The following FBXW10 variants were observed in gnomAD, a reference collection of about 807,000 sequenced individuals.
FBXW10 encodes F-box/WD repeat-containing protein 10.
A neutral mutation model predicts 113.1 loss-of-function variants in FBXW10; 68 were observed. The observed-to-expected ratio is 0.60, with a 90% CI of 0.49 to 0.74. The LOEUF is 0.74. Among genes scored for constraint, FBXW10 ranks in the 30% least tolerant of loss-of-function variants. The pLI, the probability that FBXW10 is intolerant of heterozygous loss-of-function variation, is 0.00. For synonymous variants in FBXW10, 289 were observed against 481.6 expected, an observed-to-expected ratio of 0.60 and a Z score of 5.24; for missense variants, 753 against 1,284.5, an observed-to-expected ratio of 0.59 and a Z score of 6.32.
intron 7 of FBXW10, among the ~76,000 whole-genome samples, chr17:18,763,041 G>C (rs879767316): frequency 6.7e-6 from 1 of 149,336 alleles, no homozygotes; most frequent in Non-Finnish European, 1.5e-5. Context: ...CATTGGTAAG[G>C]CTGCAAAACC....
Position 18,772,434 on chromosome 17 carries a change from A to C in FBXW10, c.2029A>C (p.Asn677His). ...CAGGATGGTGGTCAACACAGAGAGC[A>C]ATGTTCTCATGTTCCAGTTTGAGCA... ...GNRMVVNTES[N>H]VLMFQFEHIK... The change falls in exon 12 of 14, where the codon AAT becomes CAT. Residue 677 changes from asparagine to histidine, a missense_variant. Transcript: ENST00000395665. 2.5e-6 allele frequency: 4 copies of C among 1,614,064 alleles called. No individual in the cohort carries two copies. The highest frequency in any genetic ancestry group is 1.3e-5 in the African/African-American group (1 of 75,006).
rs977861565 is a variant in FBXW10 at position 18,772,776 on chromosome 17, T to C, written c.2278+93T>C. 9 of 1,153,972 alleles carry C rather than the reference T, an allele frequency of 7.8e-6. No individual in the cohort carries two copies. The Admixed American group carries it at 1.6e-4, about 20-fold the overall frequency. 71.5% of individuals were successfully genotyped at this position (1,153,972 alleles called of 1,614,324 possible). A position where few individuals can be genotyped will look rare whatever the true frequency, so the allele number is the denominator to read the frequency against. On this transcript the variant is annotated intron_variant, in intron 12 of 13. Coordinates refer to ENST00000395665, the MANE Select transcript of FBXW10 (RefSeq NM_001267585.2). ...GTGGGAGACGGGGAGGACTGGTTCG[T>C]TTGTGGAATATTTTGGCCAGTGGTT...
At chr17:18,761,990 T>C (rs898714878) in intron 7 of FBXW10, among the ~76,000 whole-genome samples, 4 of 151,426 alleles carry the variant, frequency 2.6e-5, no homozygotes, top group African/African-American at 9.7e-5. Flanking sequence ...TGAGACGGAG[T>C]CTTGCTCTGT....
intron 13 of FBXW10, among the ~76,000 whole-genome samples, chr17:18,777,117 A>T (rs1156231990): frequency 6.8e-6 from 1 of 146,708 alleles, no homozygotes; most frequent in East Asian, 2.0e-4. Context: ...GCTGGAGTGC[A>T]GTGGCGTGAT....
chr17:18,745,249 A>G (rs923929928), intron 1 of FBXW10: 1 of 969,826 alleles, frequency 1.0e-6, no homozygotes, highest in African/African-American at 1.8e-5. Context: ...TGAAACCTTA[A>G]AGTAGAGTTT....
intron 7 of FBXW10, among the ~76,000 whole-genome samples, chr17:18,764,200 C>CTT (rs140032131): frequency 0.019 from 2,235 of 116,374 alleles, 86 homozygotes; most frequent in African/African-American, 0.056. Context: ...TGTAAATACT[C>CTT]TTTTTTTTTT....
chr17:18,778,166 C>T (rs149076818), intron 13 of FBXW10, among the ~76,000 whole-genome samples: 3,135 of 152,146 alleles, frequency 0.021, 101 homozygotes, highest in African/African-American at 0.072. Flanking sequence ...GGCAGGAGAA[C>T]GGCGTGAACC....
Position 18,762,610 on chromosome 17 carries a change from C to T in FBXW10, c.1434-2132C>T, listed in dbSNP as rs558249402. Among the ~76,000 whole-genome samples the T allele has an allele frequency of 1.4e-3, 217 of 152,214 alleles. 1 individual carries two copies. Among genetic ancestry groups the T allele is most frequent in the Non-Finnish European group, 2.4e-3 (160 of 68,006 alleles). ...GTGCTGGAATTACAGGCATGAGCCA[C>T]CACGCCCGGCCGACAATATATTATC... On this transcript the variant is annotated intron_variant, in intron 7 of 13. Coordinates refer to ENST00000395665, the MANE Select transcript of FBXW10 (RefSeq NM_001267585.2).
chr17:18,755,024 A>G (rs2035232435), intron 5 of FBXW10, among the ~76,000 whole-genome samples: 1 of 152,124 alleles, frequency 6.6e-6, no homozygotes, highest in South Asian at 2.1e-4. Flanking sequence ...GCACTTTGGG[A>G]GGCTGAGGCA....
rs1015790886 is a variant in FBXW10 at position 18,753,893 on chromosome 17, GA to G, written c.1123-2151del. Among the ~76,000 whole-genome samples the G allele has an allele frequency of 1.0e-3, 154 of 151,868 alleles. 1 individual carries two copies. The highest frequency in any genetic ancestry group is 3.4e-3 in the African/African-American group (139 of 41,438). On this transcript the variant is annotated intron_variant, in intron 5 of 13. Coordinates refer to ENST00000395665, the MANE Select transcript of FBXW10 (RefSeq NM_001267585.2). ...CTCCATCTCAAAAAAAAAAAAGAAA[GA>G]GAGAGAAAAGGGAGAGAAGCAGAGA...
At chr17:18,758,206 T>C (rs887990466) in intron 6 of FBXW10, 99 bp from the exon 7 acceptor site, 2 of 1,390,946 alleles carry the variant, frequency 1.4e-6, no homozygotes, top group African/African-American at 2.9e-5. Flanking sequence ...TGGATTTTCC[T>C]TTACACCACT....
chr17:18,774,493 A>G (rs2035669389), intron 12 of FBXW10, among the ~76,000 whole-genome samples: 1 of 152,224 alleles, frequency 6.6e-6, no homozygotes, highest in South Asian at 2.1e-4. Context: ...TAGGATGACT[A>G]CAATTAACAA....
intron 13 of FBXW10, among the ~76,000 whole-genome samples, chr17:18,777,645 G>A (rs924884336): frequency 7.9e-5 from 12 of 151,288 alleles, no homozygotes; most frequent in Admixed American, 1.3e-4. Context: ...CTGGGTTCAT[G>A]CCATTCTCCT....
Position 18,768,547 on chromosome 17 carries a change from A to G in FBXW10, c.1718A>G (p.His573Arg), listed in dbSNP as rs773277201. The change falls in exon 10 of 14, where the codon CAT becomes CGT. Residue 573 changes from histidine to arginine, a missense_variant. By Grantham distance (29) the His-to-Arg change is conservative (BLOSUM62 0). Transcript: ENST00000395665. ...MAQLVKTLSGHEGAVKCLFFD... is the reference protein window; with the variant it reads ...MAQLVKTLSGREGAVKCLFFD... ...CTTTTCTTGCAGACTCTCAGTGGCC[A>G]TGAGGGAGCCGTGAAATGCCTGTTC... The G allele has an allele frequency of 2.5e-6, 4 of 1,614,122 alleles. No individual in the cohort carries two copies. The highest frequency in any genetic ancestry group is 2.2e-5 in the East Asian group (1 of 44,868).
At chr17:18,754,739 A>G (rs1408923105) in intron 5 of FBXW10, among the ~76,000 whole-genome samples, 1 of 152,138 alleles carries the variant, frequency 6.6e-6, no homozygotes, top group Non-Finnish European at 1.5e-5. Flanking sequence ...GAAGCAAAGG[A>G]GGGAGGGAAG....
chr17:18,753,033 A>G (rs2035197846), intron 5 of FBXW10, among the ~76,000 whole-genome samples: 1 of 152,204 alleles, frequency 6.6e-6, no homozygotes, highest in Non-Finnish European at 1.5e-5. Flanking sequence ...GTATTGACAG[A>G]ATTGTACTGT....
chr17:18,744,911 C>T, intron 1 of FBXW10, 162 bp downstream of exon 1: 2 of 1,458,646 alleles, frequency 1.4e-6, no homozygotes, highest in South Asian at 3.0e-5. Context: ...GACACCCGAT[C>T]CTGTTTACCA....
At chr17:18,752,935 C>T (rs1205785243) in intron 5 of FBXW10, among the ~76,000 whole-genome samples, 1 of 152,138 alleles carries the variant, frequency 6.6e-6, no homozygotes, top group Non-Finnish European at 1.5e-5. Context: ...TACCCTTCTT[C>T]CTTGGGTGAT....
intron 9 of FBXW10, among the ~76,000 whole-genome samples, chr17:18,768,312 C>T (rs1217814869): frequency 6.6e-6 from 1 of 152,056 alleles, no homozygotes; most frequent in Admixed American, 6.6e-5. Context: ...GTGATCCGCC[C>T]GCCTCGGCCT....
Sources: allele counts gnomAD v4.1 joint callset (sites outside exome capture counted in the v4.1 genomes callset), GRCh38; gene constraint gnomAD v4.1.1; transcripts MANE v1.5; gene names NCBI Gene and HGNC (gene_info 2026-07-23, HGNC 2026-07-21).